SUGCT: variants seen among roughly 807,000 people sequenced by gnomAD.
SUGCT encodes succinyl-CoA:glutarate-CoA transferase.
Under a neutral mutation model 55.0 loss-of-function variants are expected in SUGCT, and 41 were observed. The ratio of observed to expected loss-of-function variants is 0.74; its 90% CI spans 0.58 to 0.97. The LOEUF is 0.97. Among genes scored for constraint, SUGCT ranks in the 50% least tolerant of loss-of-function variants. The pLI, the probability that SUGCT is intolerant of heterozygous loss-of-function variation, is 0.00. For missense variants in SUGCT, 568 were observed against 547.8 expected (o/e 1.04, Z -0.37); for synonymous variants, 187 against 200.4 (o/e 0.93, Z 0.56).
chr7:40,994,798 A>G, the SUGCT span, among the ~76,000 whole-genome samples: 1 of 152,134 alleles, frequency 6.6e-6, no homozygotes, highest in Non-Finnish European at 1.5e-5. Flanking sequence ...GTGACAAGTG[A>G]GTGCTTCCTC....
chr7:40,900,002 C>G, the SUGCT span, among the ~76,000 whole-genome samples: 1 of 152,194 alleles, frequency 6.6e-6, no homozygotes, highest in Non-Finnish European at 1.5e-5. Context: ...CCCTGGCCCT[C>G]TCTCTTCTAG....
At chr7:40,930,587 T>C in the SUGCT span, among the ~76,000 whole-genome samples, 1 of 151,886 alleles carries the variant, frequency 6.6e-6, no homozygotes. Context: ...TGTGTCCTCT[T>C]TTATTTTGTT....
intron 9 of SUGCT, among the ~76,000 whole-genome samples, chr7:40,372,840 T>C (rs1216513974): frequency 6.6e-6 from 1 of 152,078 alleles, no homozygotes; most frequent in East Asian, 1.9e-4. Flanking sequence ...GGTGCATTCT[T>C]GCTCAAATAA....
rs549632951 is a variant in SUGCT, at chr7:40,562,156, G to A, written c.1089+65770G>A. On this transcript the variant is annotated intron_variant, in intron 12 of 13. Coordinates refer to ENST00000335693, the MANE Select transcript of SUGCT (RefSeq NM_001193313.2). ...CTACTAAAAATACAAAAAATTAGCC[G>A]GGTGTGGTGGTGGGTGCCTGTAGTC... Among the ~76,000 whole-genome samples, 8 of 151,788 alleles carry A rather than the reference G, an allele frequency of 5.3e-5. No individual in the cohort carries two copies. In the East Asian group the frequency reaches 9.9e-4, roughly 19 times the overall value.
At chr7:40,481,731 A>G (rs1002954729) in intron 11 of SUGCT, among the ~76,000 whole-genome samples, 6 of 152,180 alleles carry the variant, frequency 3.9e-5, no homozygotes. Flanking sequence ...CACTTGGAAA[A>G]TAATCAAATC....
intron 13 of SUGCT, among the ~76,000 whole-genome samples, chr7:40,802,177 C>T (rs1187493856): frequency 1.3e-5 from 2 of 152,066 alleles, no homozygotes; most frequent in East Asian, 3.9e-4. Context: ...AGCCTCATCA[C>T]TTAGTCATTA....
At chr7:40,530,578 A>G (rs1431694833) in intron 12 of SUGCT, among the ~76,000 whole-genome samples, 1 of 152,206 alleles carries the variant, frequency 6.6e-6, no homozygotes, top group Admixed American at 6.5e-5. Context: ...TACAAACAAG[A>G]TAAAATATTC....
intron 8 of SUGCT, among the ~76,000 whole-genome samples, chr7:40,287,838 G>A (rs1035437301): frequency 6.6e-6 from 1 of 152,048 alleles, no homozygotes; most frequent in African/African-American, 2.4e-5. Context: ...AGTTCCCTCT[G>A]TTCCTAGTTT....
intron 12 of SUGCT, among the ~76,000 whole-genome samples, chr7:40,563,428 G>T (rs1795950885): frequency 6.6e-6 from 1 of 152,064 alleles, no homozygotes; most frequent in Non-Finnish European, 1.5e-5. Context: ...TATTTGGGCT[G>T]TGTGTGGTGG....
chr7:40,224,404 G>C (rs993754628), intron 6 of SUGCT, among the ~76,000 whole-genome samples: 1 of 53,128 alleles, frequency 1.9e-5, no homozygotes, highest in African/African-American at 4.7e-5. Flanking sequence ...CTGTGCGTGT[G>C]TGTGTGTGTG....
At chr7:40,308,679 A>G (rs1220755732) in intron 8 of SUGCT, among the ~76,000 whole-genome samples, 7 of 152,084 alleles carry the variant, frequency 4.6e-5, no homozygotes. Context: ...TTTTTAGCAT[A>G]TTAAAGTCTT....
intron 11 of SUGCT, among the ~76,000 whole-genome samples, chr7:40,490,254 C>G (rs960683888): frequency 3.9e-5 from 6 of 152,140 alleles, no homozygotes; most frequent in Admixed American, 3.3e-4. Flanking sequence ...TGTGTGGTAC[C>G]TTCACTGGCC....
At chr7:40,560,708 C>T (rs769060540) in intron 12 of SUGCT, among the ~76,000 whole-genome samples, 16 of 152,194 alleles carry the variant, frequency 1.1e-4, no homozygotes, top group Non-Finnish European at 2.1e-4. Flanking sequence ...TTATTTACTT[C>T]CAGTGTAAAA....
chr7:40,388,603 A>G (rs1375059578), intron 9 of SUGCT, among the ~76,000 whole-genome samples: 1 of 151,998 alleles, frequency 6.6e-6, no homozygotes, highest in African/African-American at 2.4e-5. Flanking sequence ...TTTAGTAGAG[A>G]TGGGGTTTCA....
At chr7:40,361,533 C>A (rs1583508609) in intron 9 of SUGCT, among the ~76,000 whole-genome samples, 1 of 150,962 alleles carries the variant, frequency 6.6e-6, no homozygotes, top group Admixed American at 6.6e-5. Context: ...GAGATTGTGC[C>A]ACTGCACTCC....
At chr7:40,676,497 G>GTTTTTTTTTTTTTT (rs1280564538) in intron 12 of SUGCT, among the ~76,000 whole-genome samples, 1 of 127,642 alleles carries the variant, frequency 7.8e-6, no homozygotes, top group Non-Finnish European at 1.6e-5. Flanking sequence ...TTGCGGTTTT[G>GTTTTTTTTTTTTTT]TTTTTTGTTT....
At chr7:40,826,677 T>C (rs1052318557) in intron 13 of SUGCT, among the ~76,000 whole-genome samples, 1 of 152,212 alleles carries the variant, frequency 6.6e-6, no homozygotes, top group Non-Finnish European at 1.5e-5. Context: ...GAGAATGTTG[T>C]TAATTCTGAC....
At chr7:40,308,894 C>A (rs1478959799) in intron 8 of SUGCT, among the ~76,000 whole-genome samples, 1 of 152,138 alleles carries the variant, frequency 6.6e-6, no homozygotes, top group African/African-American at 2.4e-5. Flanking sequence ...CCTGTAATCC[C>A]AGCTACTGGG....
At chr7:40,689,934 A>G (rs1206797752) in intron 12 of SUGCT, among the ~76,000 whole-genome samples, 1 of 152,198 alleles carries the variant, frequency 6.6e-6, no homozygotes, top group Non-Finnish European at 1.5e-5. Context: ...ATTACCACTT[A>G]ATAGGATCAG....
Sources: allele counts gnomAD v4.1 joint callset (sites outside exome capture counted in the v4.1 genomes callset), GRCh38; gene constraint gnomAD v4.1.1; transcripts MANE v1.5; gene names NCBI Gene and HGNC (gene_info 2026-07-23, HGNC 2026-07-21).